CHST12: variants seen among roughly 807,000 people sequenced by gnomAD.
CHST12 encodes the protein carbohydrate sulfotransferase 12, also known as carbohydrate (chondroitin 4) sulfotransferase 12.
Under a neutral mutation model 27.9 loss-of-function variants are expected in CHST12, and 23 were observed. That is an observed-to-expected ratio of 0.82 (90% confidence interval 0.59 to 1.17). CHST12 has a LOEUF of 1.17. CHST12 is among the 50% of genes most tolerant of loss of function. The pLI, the probability that CHST12 is intolerant of heterozygous loss-of-function variation, is 0.00. For missense variants in CHST12, 682 were observed against 603.0 expected (o/e 1.13, Z -1.37); for synonymous variants, 322 against 273.0 (o/e 1.18, Z -1.77).
At chr7:2,409,332 G>C (rs77521544) in intron 1 of CHST12, among the ~76,000 whole-genome samples, 1 of 152,132 alleles carries the variant, frequency 6.6e-6, no homozygotes, top group Admixed American at 6.5e-5. Context: ...ATTATGGAGC[G>C]GGTAGGGCGT....
chr7:2,416,845 T>C (rs971415861), intron 1 of CHST12, among the ~76,000 whole-genome samples: 5 of 152,134 alleles, frequency 3.3e-5, no homozygotes, highest in African/African-American at 1.2e-4. Context: ...ACATTTTACA[T>C]GTGAAAAGAA....
intron 1 of CHST12, among the ~76,000 whole-genome samples, chr7:2,417,253 C>G (rs1407587077): frequency 1.3e-5 from 2 of 148,636 alleles, no homozygotes; most frequent in Non-Finnish European, 3.0e-5. Context: ...GAGGCAGAGT[C>G]TTGCTCTGTT....
Position 2,445,270 on chromosome 7 carries a change from A to G in CHST12, c.*11386A>G, listed in dbSNP as rs1782720525. On this transcript the variant is annotated 3_prime_UTR_variant, in exon 2 of 2. Transcript: ENST00000618655. Reference sequence around the variant, plus strand: ...CCACCCTTGTCCTGGGATGTTGTGGAGGACTTGGCACGCCCTGTCTCAGGC... The same window carrying G: ...CCACCCTTGTCCTGGGATGTTGTGGGGGACTTGGCACGCCCTGTCTCAGGC... The G allele has an allele frequency of 6.6e-6, 1 of 152,236 alleles. No individual in the cohort carries two copies. The highest frequency in any genetic ancestry group is 1.5e-5 in the Non-Finnish European group (1 of 68,086). 9.4% of individuals were successfully genotyped at this position (152,236 alleles called of 1,614,324 possible). A position where few individuals can be genotyped will look rare whatever the true frequency, so the allele number is the denominator to read the frequency against.
At chr7:2,415,258 C>T (rs974096640) in intron 1 of CHST12, among the ~76,000 whole-genome samples, 37 of 151,730 alleles carry the variant, frequency 2.4e-4, no homozygotes, top group African/African-American at 9.0e-4. Flanking sequence ...CCTGGCTACT[C>T]AGGAGGCTAA....
In CHST12 at chr7:2,440,261, A is replaced by T. The variant is rs1782568272; in HGVS notation, c.*6377A>T. On this transcript the variant is annotated 3_prime_UTR_variant, in exon 2 of 2. Coordinates refer to ENST00000618655, the MANE Select transcript of CHST12 (RefSeq NM_018641.5). ...GGTTGACTTTGACAGTGATAAACGA[A>T]CACAGCCTATCTGGGTGTTTTTTGC... 1 of 154,352 alleles carries T rather than the reference A, an allele frequency of 6.5e-6. No individual in the cohort carries two copies. The highest frequency in any genetic ancestry group is 1.5e-5 in the Non-Finnish European group (1 of 68,210). 9.6% of individuals were successfully genotyped at this position (154,352 alleles called of 1,614,324 possible). A position where few individuals can be genotyped will look rare whatever the true frequency, so the allele number is the denominator to read the frequency against.
At chr7:2,422,433 A>C (rs9791681) in intron 1 of CHST12, among the ~76,000 whole-genome samples, 95,175 of 151,450 alleles carry the variant, frequency 0.63, 30,616 homozygotes, top group East Asian at 0.79. Flanking sequence ...TAGTAGAGAC[A>C]GGGTTTCTCC....
At chr7:2,408,472 T>A (rs1781580598) in intron 1 of CHST12, among the ~76,000 whole-genome samples, 1 of 150,884 alleles carries the variant, frequency 6.6e-6, no homozygotes. Context: ...CACAAATAGG[T>A]CATCACAGGT....
At chr7:2,429,990 C>T (rs1283172866) in intron 1 of CHST12, among the ~76,000 whole-genome samples, 2 of 152,032 alleles carry the variant, frequency 1.3e-5, no homozygotes, top group Non-Finnish European at 2.9e-5. Context: ...GCCATGTTGT[C>T]TAGGCTGGTC....
At chr7:2,430,961 CTG>C (rs1397545558) in intron 1 of CHST12, among the ~76,000 whole-genome samples, 1 of 152,210 alleles carries the variant, frequency 6.6e-6, no homozygotes, top group African/African-American at 2.4e-5. Context: ...TTAGAAAAAA[CTG>C]TGTTCTCTTG....
intron 1 of CHST12, among the ~76,000 whole-genome samples, chr7:2,410,708 G>A (rs1781643192): frequency 6.6e-6 from 1 of 152,080 alleles, no homozygotes; most frequent in African/African-American, 2.4e-5. Context: ...GGATGGTGGT[G>A]CAGAGGCCCA....
rs892893478 is a variant in CHST12 at position 2,439,454 on chromosome 7, C to G, written c.*5570C>G. 2 of 151,786 alleles carry G rather than the reference C, an allele frequency of 1.3e-5. No homozygotes were observed. Among genetic ancestry groups the G allele is most frequent in the Non-Finnish European group, 2.9e-5 (2 of 67,956 alleles). 9.4% of individuals were successfully genotyped at this position (151,786 alleles called of 1,614,324 possible). Reference sequence around the variant, plus strand: ...TTTGACAGAGTTTCTTTCTGTCATCCAGGCTGGAGTGCAGTGGTGTGATCA... The same window carrying G: ...TTTGACAGAGTTTCTTTCTGTCATCGAGGCTGGAGTGCAGTGGTGTGATCA... On this transcript the variant is annotated 3_prime_UTR_variant, in exon 2 of 2. Transcript: ENST00000618655.
chr7:2,412,273 G>A (rs562763746), intron 1 of CHST12, among the ~76,000 whole-genome samples: 14 of 152,344 alleles, frequency 9.2e-5, no homozygotes, highest in Admixed American at 2.6e-4. Flanking sequence ...GTGAAAATGT[G>A]TCTCACGATG....
In CHST12 at chr7:2,425,631, T is replaced by G. The variant is rs1400600415; in HGVS notation, c.-77-6932T>G. Among the ~76,000 whole-genome samples, 3 of 151,520 alleles carry G rather than the reference T, an allele frequency of 2.0e-5. No homozygotes were observed. In the East Asian group the frequency reaches 5.8e-4, roughly 29 times the overall value. On this transcript the variant is annotated intron_variant, in intron 1 of 1. Coordinates refer to ENST00000618655, the MANE Select transcript of CHST12 (RefSeq NM_018641.5). Reference sequence around the variant, plus strand: ...CTGTAAGGCCCACACGCGGGACAGGTGCAGGGGGCCCACATCTGCAGATGT... The same window carrying G: ...CTGTAAGGCCCACACGCGGGACAGGGGCAGGGGGCCCACATCTGCAGATGT...
chr7:2,438,358 C>G lies in CHST12; in HGVS notation c.*4474C>G, dbSNP rs149005704. Reference sequence around the variant, plus strand: ...GTGCTCCCCTCCATGTGTGCTCACCCGCCTGTATGGAGGCAGCCCAGGGGA... The same window carrying G: ...GTGCTCCCCTCCATGTGTGCTCACCGGCCTGTATGGAGGCAGCCCAGGGGA... On this transcript the variant is annotated 3_prime_UTR_variant, in exon 2 of 2. Coordinates refer to ENST00000618655, the MANE Select transcript of CHST12 (RefSeq NM_018641.5). 6.6e-6 allele frequency: 1 copy of G among 152,226 alleles called. No homozygotes were observed. The highest frequency in any genetic ancestry group is 1.5e-5 in the Non-Finnish European group (1 of 68,126). The allele number at this position is 152,226 out of a possible 1,614,324, so 9.4% of individuals were successfully genotyped here. A position where few individuals can be genotyped will look rare whatever the true frequency, so the allele number is the denominator to read the frequency against.
intron 1 of CHST12, among the ~76,000 whole-genome samples, chr7:2,414,064 T>C (rs10239877): frequency 0.2 from 30,051 of 152,000 alleles, 3,899 homozygotes; most frequent in African/African-American, 0.37. Context: ...CTTTGATGAC[T>C]AATGATGATG....
At position 2,433,204 on chromosome 7, in the gene CHST12, C is replaced by T. The variant is rs1167210769; in HGVS notation, c.565C>T (p.Leu189=). 10 of 1,612,892 alleles carry T rather than the reference C, an allele frequency of 6.2e-6. No individual in the cohort carries two copies. Among genetic ancestry groups the T allele is most frequent in the Non-Finnish European group, 7.6e-6 (9 of 1,179,590 alleles). Residue 189 remains leucine, a synonymous_variant, in exon 2 of 2, where the codon CTG becomes TTG. Transcript: ENST00000618655. This position sits in a 1 kb window ranked among gnomAD's most constrained non-coding sequence, Gnocchi z 6.1. ...KRVMIVLSGS[L]LHRGAPYRDP... Reference sequence around the variant, plus strand: ...CGTGATGATCGTGCTGAGCGGAAGCCTGCTGCACCGCGGTGCGCCCTACCG... The same window carrying T: ...CGTGATGATCGTGCTGAGCGGAAGCTTGCTGCACCGCGGTGCGCCCTACCG...
Position 2,414,378 on chromosome 7 carries a change from G to T in CHST12, c.-78+10705G>T, listed in dbSNP as rs561462373. Among the ~76,000 whole-genome samples, 8 of 151,932 alleles carry T rather than the reference G, an allele frequency of 5.3e-5. No individual in the cohort carries two copies. In the East Asian group the frequency reaches 1.5e-3, roughly 29 times the overall value. On this transcript the variant is annotated intron_variant, in intron 1 of 1. Transcript: ENST00000618655. ...GGCTCACTGCAACCTCCACCTCTTGGGTTCAAGCGATTCTCTTGCCTCAGC... is the reference window on the plus strand; with the variant it reads ...GGCTCACTGCAACCTCCACCTCTTGTGTTCAAGCGATTCTCTTGCCTCAGC...
intron 1 of CHST12, among the ~76,000 whole-genome samples, chr7:2,412,248 T>TA (rs1781685953): frequency 6.6e-6 from 1 of 152,216 alleles, no homozygotes; most frequent in Admixed American, 6.5e-5. Context: ...TAAACCATAG[T>TA]CCTGGAGGTA....
At chr7:2,430,664 C>T (rs142210608) in intron 1 of CHST12, among the ~76,000 whole-genome samples, 34 of 152,046 alleles carry the variant, frequency 2.2e-4, no homozygotes, top group Non-Finnish European at 2.1e-4. Context: ...GTTGGCCAGG[C>T]GGGTCTCCAA....
Sources: gnomAD v4.1 joint callset for allele counts (sites outside exome capture counted in the v4.1 genomes callset) on GRCh38, gnomAD v4.1.1 for gene constraint, Gnocchi (gnomAD v3.1) non-coding constraint, MANE v1.5 for transcripts, NCBI Gene and HGNC (gene_info 2026-07-23, HGNC 2026-07-21) for gene names.